Variants in ARGLU1 observed in about 807,000 individuals in gnomAD.
The protein encoded by ARGLU1 is arginine and glutamate-rich protein 1.
ARGLU1 carries 9 observed loss-of-function variants against 37.6 expected under a neutral mutation model. That is an observed-to-expected ratio of 0.24 (90% CI 0.14 to 0.42). ARGLU1 has a LOEUF of 0.42. ARGLU1 is among the 10% of genes least tolerant of loss of function. ARGLU1 has a pLI of 1.00. For synonymous variants in ARGLU1, 166 were observed against 138.5 expected (o/e 1.20, Z -1.39); for missense variants, 211 against 359.2 (o/e 0.59, Z 3.34).
At chr13:106,560,559 G>C (rs1311960845) in intron 1 of ARGLU1, among the ~76,000 whole-genome samples, 1 of 152,114 alleles carries the variant, frequency 6.6e-6, no homozygotes, top group Non-Finnish European at 1.5e-5. Context: ...ATTTTTATTT[G>C]ATTGCGTGTT....
At position 106,542,895 on chromosome 13, in the gene ARGLU1, A is replaced by C. The variant is rs1447899943; in HGVS notation, c.*1101T>G. The C allele has an allele frequency of 6.6e-6, 1 of 152,068 alleles. No homozygotes were observed. Among genetic ancestry groups the C allele is most frequent in the Non-Finnish European group, 1.5e-5 (1 of 67,950 alleles). 9.4% of individuals were successfully genotyped at this position (152,068 alleles called of 1,614,324 possible). A position where few individuals can be genotyped will look rare whatever the true frequency, so the allele number is the denominator to read the frequency against. On this transcript the variant is annotated 3_prime_UTR_variant, in exon 4 of 4. Coordinates refer to ENST00000400198, the MANE Select transcript of ARGLU1 (RefSeq NM_018011.4). Reference sequence around the variant, plus strand: ...AAATAAACGTGCAAGTACACTACACAATGAAAATGACTCGACCATCTTAGC... The same window carrying C: ...AAATAAACGTGCAAGTACACTACACCATGAAAATGACTCGACCATCTTAGC...
rs1249994670 is a variant in ARGLU1, at chr13:106,557,898, A to G, written c.574-767T>C. ...TCAGATGTTGACAATTTCGGAAGGC[A>G]GCTTATATTGTCATCTACAATCTGA... On this transcript the variant is annotated intron_variant, in intron 2 of 3. Transcript: ENST00000400198. The surrounding 1 kb of genome is among the most constrained non-coding windows in gnomAD (Gnocchi z 5.0). 3.0e-6 allele frequency: 3 copies of G among 985,340 alleles called. No homozygotes were observed. Among genetic ancestry groups the G allele is most frequent in the Non-Finnish European group, 3.6e-6 (3 of 829,926 alleles). 61.0% of individuals were successfully genotyped at this position (985,340 alleles called of 1,614,324 possible).
rs1330348089 is a variant in ARGLU1, at chr13:106,561,870, T to C, written c.348-2213A>G. 2.6e-5 allele frequency: 4 copies of C among 152,376 alleles called. No individual in the cohort carries two copies. In the East Asian group the frequency reaches 7.7e-4, roughly 29 times the overall value. 9.4% of individuals were successfully genotyped at this position (152,376 alleles called of 1,614,324 possible). On this transcript the variant is annotated intron_variant, in intron 1 of 3. Transcript: ENST00000400198. ...TCAGAATGTCAGTTCCCTGCTTCTATTTCCACTGATGACATCAAACCAGAG... is the reference window on the plus strand; with the variant it reads ...TCAGAATGTCAGTTCCCTGCTTCTACTTCCACTGATGACATCAAACCAGAG...
At chr13:106,559,101 C>A in intron 2 of ARGLU1, 1 of 1,247,786 alleles carries the variant, frequency 8.0e-7, no homozygotes, top group Non-Finnish European at 1.0e-6. Flanking sequence ...TAACCTTTTC[C>A]CTTTACCACT....
rs147562614 is a variant in ARGLU1 at position 106,549,280 on chromosome 13, A to C, written c.658-5120T>G. 6.6e-5 allele frequency among the ~76,000 whole-genome samples: 10 copies of C among 152,332 alleles called. No individual in the cohort carries two copies. In the East Asian group the frequency reaches 1.7e-3, roughly 26 times the overall value. On this transcript the variant is annotated intron_variant, in intron 3 of 3. Coordinates refer to ENST00000400198, the MANE Select transcript of ARGLU1 (RefSeq NM_018011.4). ...GAGTGATTATAGAAATGGATGAAAAACAGCACAATTAGAAACTATGCCACT... is the reference window on the plus strand; with the variant it reads ...GAGTGATTATAGAAATGGATGAAAACCAGCACAATTAGAAACTATGCCACT...
intron 1 of ARGLU1, among the ~76,000 whole-genome samples, chr13:106,560,655 T>C (rs1241280654): frequency 1.3e-5 from 2 of 152,240 alleles, no homozygotes; most frequent in East Asian, 3.9e-4. Flanking sequence ...ATTGCATATA[T>C]TGTTCATACT....
In ARGLU1 at chr13:106,562,410, T is replaced by C. The variant is rs993098776; in HGVS notation, c.348-2753A>G. 4.6e-5 allele frequency among the ~76,000 whole-genome samples: 7 copies of C among 152,254 alleles called. No individual in the cohort carries two copies. In the East Asian group the frequency reaches 9.6e-4, roughly 21 times the overall value. On this transcript the variant is annotated intron_variant, in intron 1 of 3. Transcript: ENST00000400198. ...TCATCATAATCAATGATAAAACCACTATTATGCCTACTCCCATAAGAGGCA... is the reference window on the plus strand; with the variant it reads ...TCATCATAATCAATGATAAAACCACCATTATGCCTACTCCCATAAGAGGCA...
At chr13:106,551,022 A>C (rs1566471694) in intron 3 of ARGLU1, among the ~76,000 whole-genome samples, 1 of 152,176 alleles carries the variant, frequency 6.6e-6, no homozygotes, top group South Asian at 2.1e-4. Context: ...TTCCTGGATA[A>C]TCTCATCTAT....
rs1038486785 is a variant in ARGLU1 at position 106,542,468 on chromosome 13, T to C, written c.*1528A>G. The stretch of plus-strand genomic sequence containing the variant: ...TTTCATGCCTATTTAAAATTCTACC[T>C]TTAAAGATCTTTAAACTGATTTTAT... On this transcript the variant is annotated 3_prime_UTR_variant, in exon 4 of 4. Coordinates refer to ENST00000400198, the MANE Select transcript of ARGLU1 (RefSeq NM_018011.4). 1.3e-5 allele frequency: 2 copies of C among 152,144 alleles called. No individual in the cohort carries two copies. The highest frequency in any genetic ancestry group is 4.8e-5 in the African/African-American group (2 of 41,440). 9.4% of individuals were successfully genotyped at this position (152,144 alleles called of 1,614,324 possible). A position where few individuals can be genotyped will look rare whatever the true frequency, so the allele number is the denominator to read the frequency against.
intron 3 of ARGLU1, among the ~76,000 whole-genome samples, chr13:106,553,070 T>C (rs144169270): frequency 6.6e-6 from 1 of 152,318 alleles, no homozygotes; most frequent in African/African-American, 2.4e-5. Flanking sequence ...GTCAAAAGTA[T>C]GACTTTAACT....
chr13:106,555,140 C>T (rs1289164464), intron 3 of ARGLU1, among the ~76,000 whole-genome samples: 1 of 151,766 alleles, frequency 6.6e-6, no homozygotes, highest in African/African-American at 2.4e-5. Flanking sequence ...GGTGGATCAC[C>T]TGAGGTCAGG....
At chr13:106,548,726 C>G (rs958984539) in intron 3 of ARGLU1, among the ~76,000 whole-genome samples, 6 of 152,138 alleles carry the variant, frequency 3.9e-5, no homozygotes, top group Admixed American at 2.6e-4. Flanking sequence ...ACTTACCCCT[C>G]CCAGTAATCT....
At position 106,543,893 on chromosome 13, in the gene ARGLU1, T is replaced by C. The variant is rs1251450195; in HGVS notation, c.*103A>G. Reference sequence around the variant, plus strand: ...TAGAACAAGCTAACTTTCCAGATTTTACAAATTAAAAAAACAAAAACAAAA... The same window carrying C: ...TAGAACAAGCTAACTTTCCAGATTTCACAAATTAAAAAAACAAAAACAAAA... On this transcript the variant is annotated 3_prime_UTR_variant, in exon 4 of 4. Coordinates refer to ENST00000400198, the MANE Select transcript of ARGLU1 (RefSeq NM_018011.4). 1 of 1,193,394 alleles carries C rather than the reference T, an allele frequency of 8.4e-7. No homozygotes were observed. The highest frequency in any genetic ancestry group is 1.2e-6 in the Non-Finnish European group (1 of 866,812). The allele number at this position is 1,193,394 out of a possible 1,614,324, so 73.9% of individuals were successfully genotyped here. A position where few individuals can be genotyped will look rare whatever the true frequency, so the allele number is the denominator to read the frequency against.
chr13:106,559,270 T>C (rs1880734034), intron 2 of ARGLU1, 162 bp downstream of exon 2: 1 of 1,535,312 alleles, frequency 6.5e-7, no homozygotes, highest in Non-Finnish European at 8.7e-7. Flanking sequence ...TCAGCACTTC[T>C]GAATAGGCTA....
intron 3 of ARGLU1, among the ~76,000 whole-genome samples, chr13:106,554,256 G>C (rs1880605605): frequency 6.6e-6 from 1 of 152,026 alleles, no homozygotes; most frequent in South Asian, 2.1e-4. Flanking sequence ...CCATCCAGTT[G>C]TTTTTCTCAA....
At chr13:106,564,721 G>T (rs907045892) in intron 1 of ARGLU1, among the ~76,000 whole-genome samples, 2 of 152,084 alleles carry the variant, frequency 1.3e-5, no homozygotes, top group African/African-American at 4.8e-5. Flanking sequence ...GACATTCAGC[G>T]AAGCCCCTCT....
chr13:106,552,183 T>G (rs1880547484), intron 3 of ARGLU1, among the ~76,000 whole-genome samples: 1 of 152,230 alleles, frequency 6.6e-6, no homozygotes, highest in Non-Finnish European at 1.5e-5. Flanking sequence ...ATATCTTTTC[T>G]TCTCTCAAAC....
rs1880315444 is a variant in ARGLU1, at chr13:106,543,610, AAAAAAC to A, written c.*380_*385del. On this transcript the variant is annotated 3_prime_UTR_variant, in exon 4 of 4. Transcript: ENST00000400198. The stretch of plus-strand genomic sequence containing the variant: ...CTTTTTCTTTTTTTATAAATATATA[AAAAAAC>A]AAAAAGTCAGCAAAACCAGCATTAT... 1 of 153,594 alleles carries A rather than the reference AAAAAAC, an allele frequency of 6.5e-6. No individual in the cohort carries two copies. The highest frequency in any genetic ancestry group is 2.4e-5 in the African/African-American group (1 of 41,448). 9.5% of individuals were successfully genotyped at this position (153,594 alleles called of 1,614,324 possible).
chr13:106,550,017 C>T (rs1239641858), intron 3 of ARGLU1, among the ~76,000 whole-genome samples: 3 of 152,100 alleles, frequency 2.0e-5, no homozygotes, highest in African/African-American at 7.2e-5. Context: ...CTTCTGTATC[C>T]TACATTCTCT....
Sources: allele counts gnomAD v4.1 joint callset (sites outside exome capture counted in the v4.1 genomes callset), GRCh38; gene constraint gnomAD v4.1.1; non-coding constraint Gnocchi (gnomAD v3.1); transcripts MANE v1.5; gene names NCBI Gene and HGNC (gene_info 2026-07-23, HGNC 2026-07-21).